The following STXBP5L variants were observed in gnomAD, a reference collection of about 807,000 sequenced individuals.
STXBP5L encodes syntaxin binding protein 5L.
In STXBP5L, 65 loss-of-function variants were observed where a neutral mutation model predicts 144.5. The observed-to-expected ratio is 0.45, with a 90% CI of 0.37 to 0.55. The LOEUF is 0.55. Among genes scored for constraint, STXBP5L ranks in the 20% least tolerant of loss-of-function variants. The pLI is 0.00. For missense variants in STXBP5L, 1,298 were observed against 1,405.5 expected, an observed-to-expected ratio of 0.92 and a Z score of 1.22; for synonymous variants, 505 against 469.6, an observed-to-expected ratio of 1.08 and a Z score of -0.97.
At chr3:120,968,062 A>G (rs1939806559) in intron 3 of STXBP5L, among the ~76,000 whole-genome samples, 1 of 152,190 alleles carries the variant, frequency 6.6e-6, no homozygotes, top group African/African-American at 2.4e-5. Context: ...TGTTGAGAAA[A>G]ATGTGTATTC....
chr3:121,278,276 A>G (rs2050946311), intron 18 of STXBP5L, among the ~76,000 whole-genome samples: 1 of 151,958 alleles, frequency 6.6e-6, no homozygotes, highest in Non-Finnish European at 1.5e-5. Context: ...CTGTTGTTTA[A>G]TATATTTTTG....
At chr3:121,287,511 A>G (rs2051271161) in intron 19 of STXBP5L, among the ~76,000 whole-genome samples, 2 of 152,194 alleles carry the variant, frequency 1.3e-5, no homozygotes, top group Admixed American at 6.5e-5. Context: ...ACTTAGCCAT[A>G]AATGAGACAA....
chr3:121,040,549 T>C (rs1483506091), intron 3 of STXBP5L, among the ~76,000 whole-genome samples: 1 of 152,106 alleles, frequency 6.6e-6, no homozygotes, highest in Admixed American at 6.6e-5. Flanking sequence ...TATTCCTTCC[T>C]TAGTACTTAG....
intron 9 of STXBP5L, among the ~76,000 whole-genome samples, chr3:121,166,476 G>T (rs1359709242): frequency 6.6e-6 from 1 of 151,990 alleles, no homozygotes; most frequent in Non-Finnish European, 1.5e-5. Context: ...TGTTTCTAAA[G>T]TTAATTTTGC....
At chr3:121,105,779 G>A (rs184673844) in intron 5 of STXBP5L, among the ~76,000 whole-genome samples, 109 of 152,056 alleles carry the variant, frequency 7.2e-4, no homozygotes, top group Non-Finnish European at 1.1e-3. Context: ...ATATTTTGAG[G>A]TTATTTTATT....
At chr3:121,054,007 C>G (rs1226655518) in intron 5 of STXBP5L, among the ~76,000 whole-genome samples, 1 of 151,948 alleles carries the variant, frequency 6.6e-6, no homozygotes, top group Non-Finnish European at 1.5e-5. Flanking sequence ...TCATCACTGG[C>G]CATCAGAGAA....
At chr3:120,974,481 A>ATTTT in intron 3 of STXBP5L, among the ~76,000 whole-genome samples, 6 of 148,960 alleles carry the variant, frequency 4.0e-5, no homozygotes, top group African/African-American at 1.3e-4. Flanking sequence ...ATATTCTCCC[A>ATTTT]TGCTCTAGGT....
Position 121,157,163 on chromosome 3 carries a change from C to A in STXBP5L, c.754-341C>A, listed in dbSNP as rs967304651. 2.0e-5 allele frequency among the ~76,000 whole-genome samples: 3 copies of A among 152,226 alleles called. No individual in the cohort carries two copies. In the South Asian group the frequency reaches 6.2e-4, roughly 32 times the overall value. On this transcript the variant is annotated intron_variant, in intron 8 of 26. Transcript: ENST00000471454. ...CTGTGACTTGAGCAAGTATCTCAAT[C>A]TCTCAAGGCCTGTTTCACCATGTGT...
chr3:121,006,051 G>T (rs1341193941), intron 3 of STXBP5L, among the ~76,000 whole-genome samples: 1 of 152,192 alleles, frequency 6.6e-6, no homozygotes, highest in African/African-American at 2.4e-5. Flanking sequence ...GGAGAGTTCT[G>T]TTGATGTCTG....
At chr3:121,378,216 G>A (rs957468262) in intron 20 of STXBP5L, among the ~76,000 whole-genome samples, 1 of 152,094 alleles carries the variant, frequency 6.6e-6, no homozygotes, top group Non-Finnish European at 1.5e-5. Context: ...AATACCTAAT[G>A]CATGTGGGGG....
At chr3:121,371,650 C>T (rs1037184532) in intron 20 of STXBP5L, among the ~76,000 whole-genome samples, 2 of 152,162 alleles carry the variant, frequency 1.3e-5, no homozygotes, top group Admixed American at 6.5e-5. Flanking sequence ...ACCAGGGGCC[C>T]CTGTAGGCAA....
intron 23 of STXBP5L, among the ~76,000 whole-genome samples, chr3:121,409,033 C>G (rs528317282): frequency 6.4e-4 from 97 of 151,806 alleles, no homozygotes; most frequent in Middle Eastern, 6.8e-3. Flanking sequence ...GTGTTATAAG[C>G]CATCCAGCAG....
chr3:121,073,620 G>C (rs149935371), intron 5 of STXBP5L, among the ~76,000 whole-genome samples: 1 of 152,144 alleles, frequency 6.6e-6, no homozygotes. Context: ...GTCATGTCTG[G>C]CAGTCCTAAT....
intron 9 of STXBP5L, among the ~76,000 whole-genome samples, chr3:121,184,322 A>AG (rs56781134): frequency 0.62 from 94,405 of 151,124 alleles, 29,672 homozygotes; most frequent in East Asian, 0.8. Context: ...CCTTGAAAAA[A>AG]GTTAGAGAAA....
At position 121,022,939 on chromosome 3, in the gene STXBP5L, C is replaced by T. The variant is rs187008601; in HGVS notation, c.288-18761C>T. The stretch of plus-strand genomic sequence containing the variant: ...GACAAGAGAAAGAAAGAAAGGGCAT[C>T]CAAACTGGTAAAGAGGAAGTCAAAC... On this transcript the variant is annotated intron_variant, in intron 3 of 26. Coordinates refer to ENST00000471454, the MANE Select transcript of STXBP5L (RefSeq NM_001308330.2). Among the ~76,000 whole-genome samples, 386 of 152,078 alleles carry T rather than the reference C, an allele frequency of 2.5e-3. 1 individual carries two copies. Among genetic ancestry groups the T allele is most frequent in the African/African-American group, 8.7e-3 (360 of 41,454 alleles).
intron 3 of STXBP5L, among the ~76,000 whole-genome samples, chr3:121,005,029 C>T (rs533184258): frequency 6.6e-6 from 1 of 152,228 alleles, no homozygotes; most frequent in Admixed American, 6.6e-5. Context: ...GGTTGTGTCT[C>T]TGCCAGGCTT....
chr3:121,039,596 C>T lies in STXBP5L; in HGVS notation c.288-2104C>T, dbSNP rs572845587. On this transcript the variant is annotated intron_variant, in intron 3 of 26. Coordinates refer to ENST00000471454, the MANE Select transcript of STXBP5L (RefSeq NM_001308330.2). ...TATCATTTCCCTTTTGCCTGAAGAC[C>T]CTCTTTCACATTCCTTTTAGTGCAG... Among the ~76,000 whole-genome samples the T allele has an allele frequency of 2.0e-5, 3 of 151,722 alleles. No homozygotes were observed. The South Asian group carries it at 6.2e-4, about 32-fold the overall frequency.
chr3:121,197,025 C>A (rs545851752), intron 9 of STXBP5L, among the ~76,000 whole-genome samples: 1 of 152,188 alleles, frequency 6.6e-6, no homozygotes, highest in African/African-American at 2.4e-5. Flanking sequence ...CTTTAACATA[C>A]TTGCTTATGG....
At chr3:121,267,258 A>G (rs1465126262) in intron 18 of STXBP5L, among the ~76,000 whole-genome samples, 1 of 152,288 alleles carries the variant, frequency 6.6e-6, no homozygotes, top group Admixed American at 6.5e-5. Flanking sequence ...ATAACACCAC[A>G]CATTTACAAC....
Sources: gnomAD v4.1 joint callset for allele counts (sites outside exome capture counted in the v4.1 genomes callset) on GRCh38, gnomAD v4.1.1 for gene constraint, MANE v1.5 for transcripts, NCBI Gene and HGNC (gene_info 2026-07-23, HGNC 2026-07-21) for gene names.